The following ZFHX3 variants were observed in gnomAD, a reference collection of about 807,000 sequenced individuals.
ZFHX3 encodes the protein zinc finger homeobox 3, also known as zinc finger homeobox protein 3.
A neutral mutation model predicts 279.1 loss-of-function variants in ZFHX3; 42 were observed. The ratio of observed to expected loss-of-function variants is 0.15; its 90% confidence interval spans 0.12 to 0.19. The LOEUF is 0.19. Ranked by LOEUF, ZFHX3 falls within the 10% of genes least tolerant of loss-of-function variation. ZFHX3 has a pLI of 1.00. For missense variants in ZFHX3, 4,981 were observed against 4,754.0 expected (o/e 1.05, Z -1.40); for synonymous variants, 2,293 against 1,957.8 (o/e 1.17, Z -4.52).
chr16:73,369,448 G>A (rs2016584526), intron 3 of ZFHX3, among the ~76,000 whole-genome samples: 1 of 152,238 alleles, frequency 6.6e-6, no homozygotes, highest in Admixed American at 6.5e-5. Context: ...CACCCATGGT[G>A]GGAATCGAGG....
chr16:73,819,722 G>T (rs1420767938), intron 1 of ZFHX3, among the ~76,000 whole-genome samples: 1 of 152,182 alleles, frequency 6.6e-6, no homozygotes, highest in Non-Finnish European at 1.5e-5. Flanking sequence ...AGCAGTTCCA[G>T]TGATGTGGGT....
rs535138626 is a variant in ZFHX3 at position 72,908,643 on chromosome 16, T to A, written c.3217-18681A>T. 2.0e-5 allele frequency among the ~76,000 whole-genome samples: 3 copies of A among 152,318 alleles called. No homozygotes were observed. In the South Asian group the frequency reaches 6.2e-4, roughly 32 times the overall value. ...GTCAGTCCCGCTGGTGCCAGCTGCA[T>A]CCCCAATGCCAACATGACTCATGCG... is the stretch of plus-strand genomic sequence containing the variant. On this transcript the variant is annotated intron_variant, in intron 3 of 9. Transcript: ENST00000268489.
chr16:73,311,473 C>T (rs1392733087), intron 4 of ZFHX3, among the ~76,000 whole-genome samples: 2 of 151,242 alleles, frequency 1.3e-5, no homozygotes, highest in Non-Finnish European at 2.9e-5. Context: ...GCTTGTAATC[C>T]CAGCTGCTGG....
At chr16:72,909,877 C>CAA (rs66982395) in intron 3 of ZFHX3, among the ~76,000 whole-genome samples, 5,451 of 81,652 alleles carry the variant, frequency 0.067, 249 homozygotes, top group African/African-American at 0.11. Context: ...CACCGTGTCT[C>CAA]AAAAAAAAAA....
At chr16:73,792,167 G>A (rs578142590) in intron 1 of ZFHX3, among the ~76,000 whole-genome samples, 119 of 152,264 alleles carry the variant, frequency 7.8e-4, no homozygotes, top group African/African-American at 2.6e-3. Flanking sequence ...CATTTAATAC[G>A]CAGCATGAAA....
intron 2 of ZFHX3, among the ~76,000 whole-genome samples, chr16:73,469,081 C>T (rs2018619103): frequency 1.3e-5 from 2 of 152,314 alleles, no homozygotes; most frequent in South Asian, 2.1e-4. Flanking sequence ...TCTGTAGAGG[C>T]CACTGTTAAA....
At chr16:73,841,952 C>A (rs1371452936) in intron 1 of ZFHX3, among the ~76,000 whole-genome samples, 1 of 152,018 alleles carries the variant, frequency 6.6e-6, no homozygotes, top group Non-Finnish European at 1.5e-5. Context: ...CGGTGGCTCA[C>A]GCTGGTAATC....
chr16:73,224,188 C>G (rs1031970788), intron 5 of ZFHX3, among the ~76,000 whole-genome samples: 2 of 152,118 alleles, frequency 1.3e-5, no homozygotes, highest in African/African-American at 4.8e-5. Flanking sequence ...TTGGGTGATA[C>G]TGATGTGTCA....
chr16:73,842,397 T>G (rs1432176112), intron 1 of ZFHX3, among the ~76,000 whole-genome samples: 1 of 152,048 alleles, frequency 6.6e-6, no homozygotes, highest in East Asian at 1.9e-4. Flanking sequence ...CAGCCTTAAG[T>G]TCCTGGAGCT....
At chr16:73,182,307 C>G (rs1255950672) in intron 5 of ZFHX3, among the ~76,000 whole-genome samples, 1 of 152,006 alleles carries the variant, frequency 6.6e-6, no homozygotes, top group Non-Finnish European at 1.5e-5. Flanking sequence ...AAATACAAAA[C>G]TTAGCTGAGT....
intron 3 of ZFHX3, among the ~76,000 whole-genome samples, chr16:73,328,395 C>T (rs1213971695): frequency 6.6e-6 from 1 of 152,162 alleles, no homozygotes; most frequent in Admixed American, 6.5e-5. Flanking sequence ...AGATTGCATT[C>T]CACAAGACAC....
intron 3 of ZFHX3, among the ~76,000 whole-genome samples, chr16:73,437,515 T>C (rs977949832): frequency 2.0e-5 from 3 of 152,154 alleles, no homozygotes; most frequent in Non-Finnish European, 4.4e-5. Flanking sequence ...CAATGAAATA[T>C]TCCTAAGACA....
intron 5 of ZFHX3, among the ~76,000 whole-genome samples, chr16:73,231,528 G>A (rs879594875): frequency 2.0e-5 from 3 of 152,154 alleles, no homozygotes; most frequent in African/African-American, 7.2e-5. Flanking sequence ...AGCAGCGAGG[G>A]GGTGATAAGG....
intron 3 of ZFHX3, among the ~76,000 whole-genome samples, chr16:73,351,563 G>A (rs4888051): frequency 0.39 from 58,775 of 152,098 alleles, 13,606 homozygotes; most frequent in East Asian, 0.51. Flanking sequence ...TTTAAAGAGC[G>A]ATGGGGATTT....
At position 73,055,847 on chromosome 16, in the gene ZFHX3, T is replaced by TACACACACACACACACAC. The variant is rs10672414; in HGVS notation, c.-24+2665_-24+2682dup. On this transcript the variant is annotated intron_variant, in intron 1 of 8. Coordinates refer to the ZFHX3 transcript ENST00000397992. ...CCCCAAATCCTCATACCTACAACTC[T>TACACACACACACACACAC]ACACACACACACACACACACACACA... Among the ~76,000 whole-genome samples, 332 of 138,698 alleles carry TACACACACACACACACAC rather than the reference T, an allele frequency of 2.4e-3. 1 individual carries two copies. The highest frequency in any genetic ancestry group is 7.2e-3 in the Middle Eastern group (2 of 276). 91.0% of individuals were successfully genotyped at this position (138,698 alleles called of 152,430 possible).
intron 1 of ZFHX3, among the ~76,000 whole-genome samples, chr16:73,020,863 GC>G (rs1051280540): frequency 6.6e-6 from 1 of 151,482 alleles, no homozygotes; most frequent in South Asian, 2.1e-4. Flanking sequence ...ACTTCATCCC[GC>G]CCCCCCAATA....
At chr16:73,276,334 T>A (rs112771164) in intron 4 of ZFHX3, among the ~76,000 whole-genome samples, 5,068 of 151,900 alleles carry the variant, frequency 0.033, 292 homozygotes, top group African/African-American at 0.12. Flanking sequence ...CAGGTGCACA[T>A]CACCAGACTG....
Position 72,951,057 on chromosome 16 carries a change from T to G in ZFHX3, c.2720-92A>C, listed in dbSNP as rs1960973812. 2.0e-6 allele frequency: 3 copies of G among 1,515,426 alleles called. No homozygotes were observed. The South Asian group carries it at 3.8e-5, about 19-fold the overall frequency. The allele number at this position is 1,515,426 out of a possible 1,614,324, so 93.9% of individuals were successfully genotyped here. Reference sequence around the variant, plus strand: ...CCCCCAGCCCTCCGCCACCCTCAACTGGGGTCCAAAAGGAGAAGATGACAT... The same window carrying G: ...CCCCCAGCCCTCCGCCACCCTCAACGGGGGTCCAAAAGGAGAAGATGACAT... On this transcript the variant is annotated intron_variant, in intron 2 of 9. Coordinates refer to ENST00000268489, the MANE Select transcript of ZFHX3 (RefSeq NM_006885.4).
intron 2 of ZFHX3, among the ~76,000 whole-genome samples, chr16:73,501,630 C>T (rs1002735802): frequency 4.6e-5 from 7 of 152,156 alleles, no homozygotes; most frequent in Admixed American, 6.5e-5. Flanking sequence ...ATCCATTACA[C>T]GGGAAGAATT....
Sources: gnomAD v4.1 joint callset for allele counts (sites outside exome capture counted in the v4.1 genomes callset) on GRCh38, gnomAD v4.1.1 for gene constraint, MANE v1.5 for transcripts, NCBI Gene and HGNC (gene_info 2026-07-23, HGNC 2026-07-21) for gene names.